Variants in BAIAP2 observed in about 807,000 individuals in gnomAD.
The protein encoded by BAIAP2 is BAR/IMD domain containing adaptor protein 2, also known as BAR/IMD domain-containing adapter protein 2.
Under a neutral mutation model 63.0 loss-of-function variants are expected in BAIAP2, and 18 were observed. The ratio of observed to expected loss-of-function variants is 0.29; its 90% confidence interval spans 0.20 to 0.42. BAIAP2 has a LOEUF of 0.42. Among genes scored for constraint, BAIAP2 ranks in the 10% least tolerant of loss-of-function variants. The pLI is 1.00. For missense variants in BAIAP2, 610 were observed against 734.3 expected (o/e 0.83, Z 1.96); for synonymous variants, 386 against 307.6 (o/e 1.25, Z -2.67).
chr17:81,082,507 G>C (rs1264816787), intron 3 of BAIAP2, among the ~76,000 whole-genome samples: 1 of 152,196 alleles, frequency 6.6e-6, no homozygotes. Context: ...CCCCACCCCT[G>C]CCCTGCGGTG....
In BAIAP2 at chr17:81,103,558, C is replaced by G. The variant is rs747167307; in HGVS notation, c.699C>G (p.Pro233=). Residue 233 remains proline (P), a synonymous_variant, in exon 8 of 14, where the codon CCC becomes CCG. Transcript: ENST00000428708. ...LPLWQQACAD[P]SKIPERAVQL... The stretch of plus-strand genomic sequence containing the variant: ...TGTGGCAACAGGCCTGTGCCGACCC[C>G]AGCAAGATCCCGGAGCGCGCGGTGC... 6.9e-6 allele frequency: 11 copies of G among 1,600,230 alleles called. No homozygotes were observed. The highest frequency in any genetic ancestry group is 3.4e-5 in the Admixed American group (2 of 59,698).
chr17:81,098,689 T>G (rs1194936747), intron 6 of BAIAP2, among the ~76,000 whole-genome samples: 1 of 152,212 alleles, frequency 6.6e-6, no homozygotes, highest in East Asian at 1.9e-4. Flanking sequence ...CTGGAGCAGC[T>G]TCTGTCGTCT....
At chr17:81,048,186 A>T (rs1321861981) in intron 1 of BAIAP2, among the ~76,000 whole-genome samples, 1 of 152,084 alleles carries the variant, frequency 6.6e-6, no homozygotes, top group Non-Finnish European at 1.5e-5. Flanking sequence ...GGAGTTCGAG[A>T]CTAGCCTGGC....
At chr17:81,084,606 G>T (rs1018916684) in intron 3 of BAIAP2, among the ~76,000 whole-genome samples, 7 of 152,202 alleles carry the variant, frequency 4.6e-5, no homozygotes, top group African/African-American at 1.7e-4. Context: ...TCCCAAAGAT[G>T]CCAGGCGTGC....
At chr17:81,100,163 C>A in intron 7 of BAIAP2, 83 bp downstream of exon 7, 1 of 1,479,896 alleles carries the variant, frequency 6.8e-7, no homozygotes, top group East Asian at 2.4e-5. Flanking sequence ...GCCCCAGCCC[C>A]GTGAACACAC....
At chr17:81,059,579 G>T (rs2050197815) in intron 3 of BAIAP2, among the ~76,000 whole-genome samples, 1 of 152,176 alleles carries the variant, frequency 6.6e-6, no homozygotes, top group Non-Finnish European at 1.5e-5. Context: ...CTAGTAGCTG[G>T]GACCACAGGC....
chr17:81,086,828 G>A, intron 6 of BAIAP2: 1 of 486,614 alleles, frequency 2.1e-6, no homozygotes, highest in Non-Finnish European at 3.7e-6. Flanking sequence ...GTTCTTGGCT[G>A]AAGGAGCAGA....
rs111683192 is a variant in BAIAP2, at chr17:81,088,709, C to T, written c.489+2129C>T. On this transcript the variant is annotated intron_variant, in intron 6 of 13. Transcript: ENST00000428708. ...CTCCCCTCTTACTGTCGGGGGTCAGCCTTTCTTCCTTTTCATGGCTAAATC... is the reference window on the plus strand; with the variant it reads ...CTCCCCTCTTACTGTCGGGGGTCAGTCTTTCTTCCTTTTCATGGCTAAATC... 1.8e-4 allele frequency among the ~76,000 whole-genome samples: 27 copies of T among 152,338 alleles called. 2 individuals carry two copies. The highest frequency in any genetic ancestry group is 6.3e-4 in the African/African-American group (26 of 41,572).
At chr17:81,066,093 C>G (rs1324499809) in intron 3 of BAIAP2, among the ~76,000 whole-genome samples, 1 of 152,268 alleles carries the variant, frequency 6.6e-6, no homozygotes, top group East Asian at 1.9e-4. Context: ...CACGGAACAC[C>G]TGAGCCAGGC....
At chr17:81,073,895 C>T (rs767748971) in intron 3 of BAIAP2, among the ~76,000 whole-genome samples, 7 of 152,224 alleles carry the variant, frequency 4.6e-5, no homozygotes, top group East Asian at 1.9e-4. Context: ...AGTTCCTTGT[C>T]GCTCACGGTT....
intron 7 of BAIAP2, 26 bp from the exon 8 acceptor site, chr17:81,103,476 C>G: frequency 1.9e-6 from 3 of 1,541,056 alleles, no homozygotes; most frequent in Non-Finnish European, 1.7e-6. Flanking sequence ...GCCCTGACCC[C>G]TCCCTTCCTG....
In BAIAP2 at chr17:81,110,695, G is replaced by A. The variant is rs149980471; in HGVS notation, c.1535+2186G>A. On this transcript the variant is annotated intron_variant, in intron 13 of 13. Coordinates refer to ENST00000428708, the MANE Select transcript of BAIAP2 (RefSeq NM_001144888.2). ...CTCTGCCCGGGCTCTGCGGGGGGCC[G>A]TCTGCAGCTGAGGCAGGCTCCTGGC... Among the ~76,000 whole-genome samples the A allele has an allele frequency of 3.6e-4, 55 of 152,332 alleles. No individual in the cohort carries two copies. The East Asian group carries it at 8.1e-3, about 23-fold the overall frequency.
chr17:81,113,629 G>GC (rs1383511744), intron 13 of BAIAP2, among the ~76,000 whole-genome samples: 1 of 150,088 alleles, frequency 6.7e-6, no homozygotes, highest in Non-Finnish European at 1.5e-5. Flanking sequence ...CGACCCCCCT[G>GC]CCCCCGTCAG....
At chr17:81,040,741 C>G (rs766934284) in intron 1 of BAIAP2, among the ~76,000 whole-genome samples, 39 of 152,350 alleles carry the variant, frequency 2.6e-4, no homozygotes, top group South Asian at 6.2e-4. Context: ...GCAGCTCACA[C>G]CACATGCAGT....
At position 81,115,784 on chromosome 17, in the gene BAIAP2, A is replaced by G; in HGVS notation, c.1550A>G (p.His517Arg). The change falls in exon 14 of 14, where the codon CAC (histidine) becomes CGC (arginine). Residue 517 changes from histidine (H) to arginine (R), a missense_variant. Transcript: ENST00000428708. Reference protein sequence around the residue: ...ARSMSRNPFAHVQLKPTVTND... With the variant: ...ARSMSRNPFARVQLKPTVTND... The stretch of plus-strand genomic sequence containing the variant: ...TTCTCTTTCAGGAATCCCTTTGCCC[A>G]CGTCCAGCTGAAGCCGACAGTGACC... The G allele has an allele frequency of 3.1e-6, 5 of 1,613,508 alleles. No individual in the cohort carries two copies. The highest frequency in any genetic ancestry group is 4.2e-6 in the Non-Finnish European group (5 of 1,180,016).
chr17:81,068,191 G>A (rs568279566), intron 3 of BAIAP2, among the ~76,000 whole-genome samples: 1 of 152,332 alleles, frequency 6.6e-6, no homozygotes, highest in East Asian at 1.9e-4. Context: ...CTCTCAGGGC[G>A]GCCTCTGCTC....
At chr17:81,063,088 C>T (rs911222954) in intron 3 of BAIAP2, among the ~76,000 whole-genome samples, 5 of 151,798 alleles carry the variant, frequency 3.3e-5, no homozygotes, top group Admixed American at 6.6e-5. Context: ...GGGACCTGAG[C>T]GAGGAGGACT....
intron 3 of BAIAP2, among the ~76,000 whole-genome samples, chr17:81,071,999 C>T (rs997704481): frequency 1.3e-5 from 2 of 152,248 alleles, no homozygotes; most frequent in African/African-American, 2.4e-5. Context: ...CCTCTGCTTC[C>T]GGCCTCCCCG....
intron 1 of BAIAP2, among the ~76,000 whole-genome samples, chr17:81,051,069 C>G (rs149863889): frequency 3.3e-5 from 5 of 151,902 alleles, no homozygotes; most frequent in African/African-American, 1.2e-4. Flanking sequence ...TCACCCCACT[C>G]CCGGTGTGGC....
Sources: allele counts gnomAD v4.1 joint callset (sites outside exome capture counted in the v4.1 genomes callset), GRCh38; gene constraint gnomAD v4.1.1; transcripts MANE v1.5; gene names NCBI Gene and HGNC (gene_info 2026-07-23, HGNC 2026-07-21).